The following PCYT1B variants were observed in gnomAD, a reference collection of about 807,000 sequenced individuals.
The protein encoded by PCYT1B is phosphate cytidylyltransferase 1B, choline.
In PCYT1B, 10 loss-of-function variants were observed where a neutral mutation model predicts 26.4. The observed-to-expected ratio is 0.38, with a 90% CI of 0.23 to 0.64. PCYT1B has a LOEUF of 0.64. Among genes scored for constraint, PCYT1B ranks in the 30% least tolerant of loss-of-function variants. The probability of loss-of-function intolerance (pLI) is 0.56; values close to 1 mark genes in which losing one functional copy is unlikely to be tolerated. For synonymous variants in PCYT1B, 131 were observed against 108.4 expected (o/e 1.21, Z -1.29); for missense variants, 161 against 292.7 (o/e 0.55, Z 3.28).
intron 1 of PCYT1B, among the ~76,000 whole-genome samples, chrX:24,654,229 C>A (rs1206651084): frequency 9.6e-6 from 1 of 103,898 alleles, no homozygotes; most frequent in African/African-American, 3.5e-5. Context: ...CTCAGCCTCC[C>A]AAGTAGCTGG....
chrX:24,638,416 A>T (rs1416407775), intron 1 of PCYT1B, among the ~76,000 whole-genome samples: 2 of 111,814 alleles, frequency 1.8e-5, no homozygotes, highest in African/African-American at 6.5e-5. Context: ...CATACAACCC[A>T]GTTCATGCTG....
At chrX:24,622,065 T>C (rs907252889) in intron 1 of PCYT1B, among the ~76,000 whole-genome samples, 1 of 112,535 alleles carries the variant, frequency 8.9e-6, no homozygotes, top group Non-Finnish European at 1.9e-5. Flanking sequence ...GTGTTTGTGT[T>C]TGCATGTGTG....
chrX:24,629,586 A>AAAC (rs1925996515), intron 1 of PCYT1B, among the ~76,000 whole-genome samples: 1 of 99,460 alleles, frequency 1.0e-5, no homozygotes, highest in Admixed American at 1.1e-4. Context: ...AAAAAAAAAA[A>AAAC]AAAACAACAC....
At chrX:24,595,433 C>A (rs991875660) in intron 3 of PCYT1B, among the ~76,000 whole-genome samples, 1 of 110,770 alleles carries the variant, frequency 9.0e-6, no homozygotes, top group Non-Finnish European at 1.9e-5. Flanking sequence ...GTGATAGGTG[C>A]AATGAATCTG....
At chrX:24,595,046 C>T (rs1476105677) in intron 3 of PCYT1B, among the ~76,000 whole-genome samples, 1 of 110,373 alleles carries the variant, frequency 9.1e-6, no homozygotes, top group Non-Finnish European at 1.9e-5. Context: ...TAGCCATTTA[C>T]GAATAGTAGT....
chrX:24,672,515 G>A (rs1277817124), intron 1 of PCYT1B: 1 of 953,232 alleles, frequency 1.0e-6, no homozygotes, highest in African/African-American at 1.9e-5. Context: ...TTTACTTTTT[G>A]AACTGACTTT....
intron 7 of PCYT1B, among the ~76,000 whole-genome samples, chrX:24,563,290 G>A (rs776093123): frequency 8.9e-6 from 1 of 112,106 alleles, no homozygotes; most frequent in Admixed American, 9.4e-5. Flanking sequence ...GGGCAGCTGC[G>A]ATTGCAAACA....
At chrX:24,644,052 C>A (rs1245221641) in intron 1 of PCYT1B, among the ~76,000 whole-genome samples, 2 of 112,192 alleles carry the variant, frequency 1.8e-5, no homozygotes, top group African/African-American at 6.5e-5. Flanking sequence ...ACAAGATCAA[C>A]AGAAACTACT....
At chrX:24,569,060 T>C (rs1250469849) in intron 7 of PCYT1B, among the ~76,000 whole-genome samples, 2 of 110,542 alleles carry the variant, frequency 1.8e-5, no homozygotes, top group African/African-American at 6.6e-5. Context: ...GATTGCACCA[T>C]TGCACTCCAG....
chrX:24,594,006 T>C (rs1282688464), intron 3 of PCYT1B, among the ~76,000 whole-genome samples: 2 of 111,476 alleles, frequency 1.8e-5, no homozygotes, highest in Non-Finnish European at 3.8e-5. Context: ...AACTGATGAG[T>C]ATCAGAATCA....
rs747228751 is a variant in PCYT1B at position 24,647,013 on chromosome X, C to A, written c.93G>T (p.Glu31Asp). 6.6e-6 allele frequency: 8 copies of A among 1,207,794 alleles called. No individual in the cohort carries two copies. The African/African-American group carries it at 1.4e-4, about 21-fold the overall frequency. ...CCAGTCGAGGCTGTGGGCATGTGTGCTCTATTTCCTCCATGGTTTCTGAGG... is the reference window on the plus strand; with the variant it reads ...CCAGTCGAGGCTGTGGGCATGTGTGATCTATTTCCTCCATGGTTTCTGAGG... ...EPPSETMEEI[E>D]HTCPQPRLTL... Residue 31 changes from glutamate to aspartate, a missense_variant, in exon 1 of 8, where the codon GAG (glutamate) becomes GAT (aspartate). By Grantham distance (45) the Glu-to-Asp change is conservative. Around this residue, in one of 4 missense-constraint regions of PCYT1B, gnomAD observed 51 missense variants for 51.0 expected, o/e 1.00. Transcript: ENST00000379144.
intron 4 of PCYT1B, among the ~76,000 whole-genome samples, chrX:24,589,763 A>C (rs1924494340): frequency 9.0e-6 from 1 of 111,565 alleles, no homozygotes. Context: ...ATCTTGTTCA[A>C]GGTCCCACAA....
intron 5 of PCYT1B, among the ~76,000 whole-genome samples, chrX:24,582,934 C>A (rs1010544461): frequency 8.9e-5 from 10 of 111,963 alleles, no homozygotes; most frequent in African/African-American, 3.2e-4. Context: ...AAGGAATCAG[C>A]AGAGCAGATT....
chrX:24,593,450 CTTTTCTTTTCTTTTCTTTTCT>C (rs1569242725), intron 3 of PCYT1B, among the ~76,000 whole-genome samples: 33 of 6,693 alleles, frequency 4.9e-3, no homozygotes, highest in African/African-American at 0.025. Flanking sequence ...TCTTTCTTTT[CTTTTCTTTTCTTTTCTTTTCT>C]TTTCTTTTCT....
At chrX:24,663,797 T>C (rs1225807530) in intron 1 of PCYT1B, among the ~76,000 whole-genome samples, 1 of 111,141 alleles carries the variant, frequency 9.0e-6, no homozygotes, top group East Asian at 2.8e-4. Flanking sequence ...CGGGCACTTG[T>C]GATCCCAGCT....
intron 1 of PCYT1B, among the ~76,000 whole-genome samples, chrX:24,631,862 G>A (rs1035977734): frequency 8.1e-5 from 9 of 111,263 alleles, no homozygotes; most frequent in Middle Eastern, 4.6e-3. Flanking sequence ...CTACTCGGGA[G>A]GGGGAGGTTG....
upstream of PCYT1B, among the ~76,000 whole-genome samples, chrX:24,648,418 T>C (rs1161131363): frequency 9.9e-6 from 1 of 101,475 alleles, no homozygotes; most frequent in African/African-American, 3.6e-5. Flanking sequence ...ATTCACAAAA[T>C]TCTAAAATAA....
Position 24,562,251 on chromosome X carries a change from C to T in PCYT1B, c.*42G>A. The T allele has an allele frequency of 1.7e-6, 2 of 1,165,947 alleles. No homozygotes were observed. Among genetic ancestry groups the T allele is most frequent in the South Asian group, 2.0e-5 (1 of 50,254 alleles). On this transcript the variant is annotated 3_prime_UTR_variant, in exon 8 of 8. Transcript: ENST00000379144. ...AGGCAACCCTGTGACTCTCGCCCTC[C>T]TCCCCATCCTGCATGGTGCGGCTCT...
chrX:24,563,289 C>T (rs1301785773), intron 7 of PCYT1B, among the ~76,000 whole-genome samples: 1 of 111,841 alleles, frequency 8.9e-6, no homozygotes, highest in Non-Finnish European at 1.9e-5. Flanking sequence ...AGGGCAGCTG[C>T]GATTGCAAAC....
Sources: gnomAD v4.1 joint callset for allele counts (sites outside exome capture counted in the v4.1 genomes callset) on GRCh38, gnomAD v4.1.1 for gene constraint, gnomAD v4.1.1 regional missense constraint, MANE v1.5 for transcripts, NCBI Gene and HGNC (gene_info 2026-07-23, HGNC 2026-07-21) for gene names.